Variants in LOC122539214 observed in about 807,000 individuals in gnomAD.
chr19:52,680,576 G>T, the LOC122539214 span, among the ~76,000 whole-genome samples: 1 of 146,668 alleles, frequency 6.8e-6, no homozygotes, highest in Admixed American at 6.8e-5. Context: ...TTTCTCCACA[G>T]TTGTGTTTTA....
At chr19:52,664,599 G>T in the LOC122539214 span, among the ~76,000 whole-genome samples, 1 of 152,120 alleles carries the variant, frequency 6.6e-6, no homozygotes, top group South Asian at 2.1e-4. Flanking sequence ...TCTGCTTCTG[G>T]GTCTGTGCCA....
At chr19:52,655,214 T>G in the LOC122539214 span, 1 of 237,700 alleles carries the variant, frequency 4.2e-6, no homozygotes, top group Admixed American at 5.1e-5. Context: ...AAAAGCAGAA[T>G]CACAGCTGGA....
chr19:52,660,795 G>T, the LOC122539214 span: 1 of 210,502 alleles, frequency 4.8e-6, no homozygotes, highest in East Asian at 1.1e-4. Context: ...CCTTTTCTTT[G>T]GTCTTCTTGG....
the LOC122539214 span, among the ~76,000 whole-genome samples, chr19:52,670,263 A>G: frequency 2.0e-5 from 3 of 152,050 alleles, no homozygotes; most frequent in Non-Finnish European, 4.4e-5. Context: ...CCCTCATTCC[A>G]TAACATTTTT....
the LOC122539214 span, among the ~76,000 whole-genome samples, chr19:52,662,206 C>A: frequency 6.6e-6 from 1 of 152,150 alleles, no homozygotes; most frequent in Non-Finnish European, 1.5e-5. Context: ...TAATGGAATT[C>A]ATTTCTCATT....
chr19:52,661,892 T>G, the LOC122539214 span, among the ~76,000 whole-genome samples: 10 of 147,868 alleles, frequency 6.8e-5, no homozygotes, highest in Non-Finnish European at 1.5e-4. Context: ...AGGCTGCTTG[T>G]CACTTGCAGC....
At chr19:52,665,956 T>C in the LOC122539214 span, among the ~76,000 whole-genome samples, 13 of 151,424 alleles carry the variant, frequency 8.6e-5, no homozygotes, top group African/African-American at 2.9e-4. Context: ...GTCAGGAGAT[T>C]GAGACCATCC....
chr19:52,659,373 G>A, the LOC122539214 span, among the ~76,000 whole-genome samples: 1 of 152,168 alleles, frequency 6.6e-6, no homozygotes, highest in Admixed American at 6.5e-5. Flanking sequence ...GGGAAGTTGA[G>A]TCAAGCTAAG....
chr19:52,674,532 A>C, the LOC122539214 span, among the ~76,000 whole-genome samples: 14 of 152,296 alleles, frequency 9.2e-5, no homozygotes, highest in East Asian at 7.7e-4. Flanking sequence ...AGTCACAAAG[A>C]CTCAACCAAA....
chr19:52,683,534 AAAG>A, the LOC122539214 span, among the ~76,000 whole-genome samples: 1 of 70,136 alleles, frequency 1.4e-5, no homozygotes, highest in African/African-American at 8.0e-5. Flanking sequence ...AGGGAAGGGC[AAAG>A]TCCCTGCCCA....
chr19:52,688,776 A>G, the LOC122539214 span, among the ~76,000 whole-genome samples: 1 of 152,138 alleles, frequency 6.6e-6, no homozygotes, highest in Non-Finnish European at 1.5e-5. Context: ...CAAGAAAAGT[A>G]AAAGCTAAGG....
chr19:52,686,139 A>T, the LOC122539214 span, among the ~76,000 whole-genome samples: 1 of 152,226 alleles, frequency 6.6e-6, no homozygotes, highest in East Asian at 1.9e-4. Flanking sequence ...CATCTTTACC[A>T]GGTACACACT....
the LOC122539214 span, among the ~76,000 whole-genome samples, chr19:52,658,635 G>A: frequency 6.6e-6 from 1 of 152,184 alleles, no homozygotes; most frequent in African/African-American, 2.4e-5. Context: ...CCTTTTGGAA[G>A]GCCGAAAGGT....
chr19:52,651,218 G>A, the LOC122539214 span: 1 of 152,178 alleles, frequency 6.6e-6, no homozygotes, highest in Non-Finnish European at 1.5e-5. Flanking sequence ...GACCATCAGT[G>A]GTTTACAGAA....
At chr19:52,655,664 C>T in the LOC122539214 span, 6 of 1,298,438 alleles carry the variant, frequency 4.6e-6, no homozygotes, top group Non-Finnish European at 6.7e-6. Context: ...ATTCTATAGC[C>T]ACATCCCTGA....
At chr19:52,686,488 AT>A in the LOC122539214 span, among the ~76,000 whole-genome samples, 3 of 112,152 alleles carry the variant, frequency 2.7e-5, no homozygotes, top group Non-Finnish European at 5.6e-5. Flanking sequence ...ATATAAATAA[AT>A]GAGAAACCAG....
the LOC122539214 span, among the ~76,000 whole-genome samples, chr19:52,676,430 G>C: frequency 2.6e-5 from 4 of 152,102 alleles, no homozygotes; most frequent in African/African-American, 9.6e-5. Context: ...GAGCGTCTCT[G>C]CCTGGCCGCC....
the LOC122539214 span, among the ~76,000 whole-genome samples, chr19:52,687,629 TA>T: frequency 3.2e-3 from 54 of 16,678 alleles, 1 homozygote; most frequent in African/African-American, 0.021. Flanking sequence ...TATATATATA[TA>T]ATGTATATAT....
chr19:52,655,640 C>T, the LOC122539214 span: 65 of 1,421,246 alleles, frequency 4.6e-5, no homozygotes, highest in Non-Finnish European at 6.2e-5. Flanking sequence ...GGCATTTCCA[C>T]TCCTCCAAAG....
Sources: gnomAD v4.1 joint callset for allele counts (sites outside exome capture counted in the v4.1 genomes callset) on GRCh38, gnomAD v4.1.1 for gene constraint, MANE v1.5 for transcripts.